Variants in DTWD2 observed in about 807,000 individuals in gnomAD.
The protein encoded by DTWD2 is tRNA-uridine aminocarboxypropyltransferase 2.
Under a neutral mutation model 31.8 loss-of-function variants are expected in DTWD2, and 39 were observed. The ratio of observed to expected loss-of-function variants is 1.22; its 90% CI spans 0.95 to 1.60. The LOEUF (loss-of-function observed/expected upper bound fraction) is 1.60. Among genes scored for constraint, DTWD2 ranks in the 40% most tolerant of loss-of-function variants. DTWD2 has a pLI of 0.00. For synonymous variants in DTWD2, 180 were observed against 142.8 expected, an observed-to-expected ratio of 1.26 and a Z score of -1.86; for missense variants, 515 against 381.5, an observed-to-expected ratio of 1.35 and a Z score of -2.92.
chr5:118,983,168 T>C (rs546184197), intron 1 of DTWD2, among the ~76,000 whole-genome samples: 17 of 152,070 alleles, frequency 1.1e-4, no homozygotes, highest in Non-Finnish European at 2.4e-4. Context: ...CATAAATGCC[T>C]ATAGGGGGCC....
chr5:118,860,523 C>G (rs1752237224), intron 4 of DTWD2, among the ~76,000 whole-genome samples: 1 of 152,002 alleles, frequency 6.6e-6, no homozygotes, highest in Non-Finnish European at 1.5e-5. Context: ...GTTAATCTTC[C>G]TGCTGGAATC....
chr5:118,987,562 C>T (rs1406286905), intron 1 of DTWD2, among the ~76,000 whole-genome samples: 1 of 152,204 alleles, frequency 6.6e-6, no homozygotes, highest in African/African-American at 2.4e-5. Flanking sequence ...CCATTCCTTT[C>T]CTTCACTGCT....
At chr5:118,870,556 T>C (rs1476719721) in intron 4 of DTWD2, among the ~76,000 whole-genome samples, 1 of 152,206 alleles carries the variant, frequency 6.6e-6, no homozygotes, top group Admixed American at 6.5e-5. Context: ...TAGCATTTTG[T>C]CAAAAAAATG....
At chr5:118,901,502 C>T (rs1330991422) in intron 4 of DTWD2, among the ~76,000 whole-genome samples, 1 of 152,116 alleles carries the variant, frequency 6.6e-6, no homozygotes, top group Non-Finnish European at 1.5e-5. Flanking sequence ...TTTTCTAAAG[C>T]TTGCTATCTT....
At chr5:118,932,019 T>G (rs905838033) in intron 3 of DTWD2, among the ~76,000 whole-genome samples, 1 of 152,096 alleles carries the variant, frequency 6.6e-6, no homozygotes, top group Non-Finnish European at 1.5e-5. Flanking sequence ...TTTAAATATT[T>G]TGAACTAAAC....
chr5:118,939,207 G>A lies in DTWD2; in HGVS notation c.393C>T (p.Phe131=), dbSNP rs35488214. The A allele has an allele frequency of 1.6e-4, 257 of 1,603,448 alleles. No homozygotes were observed. The highest frequency in any genetic ancestry group is 4.8e-5 in the Non-Finnish European group (56 of 1,174,482). ...AACAGTTAATTTACCTTTCTTCACT[G>A]AAGCGACGACCGATCTTCACTTTAC... The part of the protein sequence containing the change: ...DKCKVKIGRR[F]SEERDPELST... The change falls in exon 3 of 6, where the codon TTC becomes TTT. Residue 131 remains phenylalanine, a synonymous_variant. Transcript: ENST00000510708.
intron 1 of DTWD2, among the ~76,000 whole-genome samples, chr5:118,951,119 C>G (rs1319377260): frequency 6.6e-6 from 1 of 152,102 alleles, no homozygotes; most frequent in African/African-American, 2.4e-5. Flanking sequence ...ATAACCTTGA[C>G]CATGCCTTTA....
intron 4 of DTWD2, among the ~76,000 whole-genome samples, chr5:118,898,428 T>C (rs900109663): frequency 2.0e-5 from 3 of 151,304 alleles, no homozygotes; most frequent in East Asian, 2.0e-4. Context: ...GAGGCTGAGG[T>C]AGGCAGATCA....
Position 118,973,079 on chromosome 5 carries a change from C to CCTTTTTTTTTTTTTTTTT in DTWD2, c.218+15214_218+15215insAAAAAAAAAAAAAAAAAG, listed in dbSNP as rs1221777850. Among the ~76,000 whole-genome samples the CCTTTTTTTTTTTTTTTTT allele has an allele frequency of 2.1e-5, 3 of 140,000 alleles. 1 individual carries two copies. The allele number at this position is 140,000 out of a possible 152,430, so 91.8% of individuals were successfully genotyped here. On this transcript the variant is annotated intron_variant, in intron 1 of 5. Transcript: ENST00000510708. ...TATCAGAAACTAGGATTGCAACCCC[C>CCTTTTTTTTTTTTTTTTT]TTTTTTTTTTTTTTTTTTGGCTTTC...
chr5:118,862,445 G>A (rs1265585006), intron 4 of DTWD2, among the ~76,000 whole-genome samples: 1 of 152,130 alleles, frequency 6.6e-6, no homozygotes, highest in East Asian at 1.9e-4. Context: ...TAGGGCCGAT[G>A]TAAATGAGAA....
chr5:118,851,210 C>A lies in DTWD2; in HGVS notation c.598-2992G>T, dbSNP rs1434010995. On this transcript the variant is annotated intron_variant, in intron 4 of 5. Transcript: ENST00000510708. ...CTCCAGCCTGGGCAAAAGAGTGAGA[C>A]CCTATCTCAAAAAAAAAAAAAAAAA... 7.8e-4 allele frequency among the ~76,000 whole-genome samples: 112 copies of A among 143,596 alleles called. 1 individual carries two copies. Among genetic ancestry groups the A allele is most frequent in the Admixed American group, 9.8e-4 (14 of 14,216 alleles). 94.2% of individuals were successfully genotyped at this position (143,596 alleles called of 152,430 possible).
intron 4 of DTWD2, among the ~76,000 whole-genome samples, chr5:118,916,461 T>A (rs1048870289): frequency 1.3e-5 from 2 of 151,784 alleles, no homozygotes; most frequent in Admixed American, 6.6e-5. Context: ...AGGTCGGGAG[T>A]TCGAGACCAG....
chr5:118,972,202 A>C (rs1726445062), intron 1 of DTWD2, among the ~76,000 whole-genome samples: 1 of 152,088 alleles, frequency 6.6e-6, no homozygotes, highest in Admixed American at 6.6e-5. Context: ...TTGGAGAAAA[A>C]ATAACAATAA....
chr5:118,972,844 C>T (rs1173875523), intron 1 of DTWD2, among the ~76,000 whole-genome samples: 1 of 152,188 alleles, frequency 6.6e-6, no homozygotes, highest in African/African-American at 2.4e-5. Flanking sequence ...AAGTGTAATT[C>T]ACCGCATAAA....
intron 4 of DTWD2, among the ~76,000 whole-genome samples, chr5:118,892,198 A>T (rs892622154): frequency 1.3e-5 from 2 of 152,168 alleles, no homozygotes; most frequent in African/African-American, 4.8e-5. Flanking sequence ...AAAAATATTT[A>T]ATCTATATTT....
chr5:118,951,524 T>A (rs1177508010), intron 1 of DTWD2, among the ~76,000 whole-genome samples: 1 of 152,162 alleles, frequency 6.6e-6, no homozygotes, highest in Non-Finnish European at 1.5e-5. Context: ...ATTATCTAGA[T>A]CTTGTAGGAT....
intron 5 of DTWD2, among the ~76,000 whole-genome samples, chr5:118,846,586 G>A (rs552719924): frequency 5.9e-5 from 9 of 152,162 alleles, no homozygotes; most frequent in Middle Eastern, 3.4e-3. Context: ...AAAAGAAAAC[G>A]CAGAGACTGT....
chr5:118,984,368 G>A (rs1025517230), intron 1 of DTWD2, among the ~76,000 whole-genome samples: 8 of 152,098 alleles, frequency 5.3e-5, no homozygotes, highest in Admixed American at 2.0e-4. Context: ...GGCTGAAGCA[G>A]GAGAATGGTT....
chr5:118,863,528 G>A (rs1234561901), intron 4 of DTWD2, among the ~76,000 whole-genome samples: 1 of 152,164 alleles, frequency 6.6e-6, no homozygotes, highest in East Asian at 1.9e-4. Flanking sequence ...CTTAAAAGCA[G>A]ATACAGTTAC....
Sources: gnomAD v4.1 joint callset for allele counts (sites outside exome capture counted in the v4.1 genomes callset) on GRCh38, gnomAD v4.1.1 for gene constraint, MANE v1.5 for transcripts, NCBI Gene and HGNC (gene_info 2026-07-23, HGNC 2026-07-21) for gene names.